WAC: variants seen among roughly 807,000 people sequenced by gnomAD.
The protein encoded by WAC is WW domain containing adaptor with coiled-coil.
A neutral mutation model predicts 79.6 loss-of-function variants in WAC; 11 were observed. That is an observed-to-expected ratio of 0.14 (90% CI 0.09 to 0.23). The LOEUF is 0.23. Ranked by LOEUF, WAC falls within the 10% of genes least tolerant of loss-of-function variation. WAC has a pLI of 1.00. For missense variants in WAC, 728 were observed against 773.5 expected (o/e 0.94, Z 0.70); for synonymous variants, 304 against 276.9 (o/e 1.10, Z -0.97).
intron 1 of WAC, 24 bp downstream of exon 1, chr10:28,533,644 C>A (rs986146573): frequency 6.3e-7 from 1 of 1,592,006 alleles, no homozygotes; most frequent in Non-Finnish European, 8.5e-7. Context: ...TCGTTTCGGG[C>A]CGGGCGGCGG....
chr10:28,620,861 C>G lies in WAC; in HGVS notation c.*1255C>G, dbSNP rs1402984027. 1 of 152,200 alleles carries G rather than the reference C, an allele frequency of 6.6e-6. No individual in the cohort carries two copies. Among genetic ancestry groups the G allele is most frequent in the Non-Finnish European group, 1.5e-5 (1 of 68,036 alleles). 9.4% of individuals were successfully genotyped at this position (152,200 alleles called of 1,614,324 possible). Reference sequence around the variant, plus strand: ...TTCAAGTCTGGTGCTGACTGCTGTTCTTAGCCATCACAAAACGCTAAATTT... The same window carrying G: ...TTCAAGTCTGGTGCTGACTGCTGTTGTTAGCCATCACAAAACGCTAAATTT... On this transcript the variant is annotated 3_prime_UTR_variant, in exon 14 of 14. Coordinates refer to ENST00000354911, the MANE Select transcript of WAC (RefSeq NM_016628.5).
chr10:28,551,822 CTTTTT>C, intron 3 of WAC, among the ~76,000 whole-genome samples: 1 of 58,988 alleles, frequency 1.7e-5, no homozygotes, highest in South Asian at 5.7e-4. Context: ...GTGTGTGTTT[CTTTTT>C]TTTTTTTTTT....
intron 3 of WAC, among the ~76,000 whole-genome samples, chr10:28,564,066 C>T (rs1838460601): frequency 6.6e-6 from 1 of 151,986 alleles, no homozygotes; most frequent in African/African-American, 2.4e-5. Flanking sequence ...CCCTTGAGCT[C>T]AGTTTGAGAC....
Position 28,610,785 on chromosome 10 carries a change from T to A in WAC, c.1252T>A (p.Ser418Thr), listed in dbSNP as rs1841200069. The A allele has an allele frequency of 6.2e-7, 1 of 1,612,098 alleles. No individual in the cohort carries two copies. The highest frequency in any genetic ancestry group is 1.3e-5 in the African/African-American group (1 of 74,906). The change falls in exon 9 of 14, where the codon TCT becomes ACT. Residue 418 changes from serine (S) to threonine (T), a missense_variant. Ser to Thr is a moderately conservative substitution (Grantham distance 58, BLOSUM62 1). Transcript: ENST00000354911. ...TGGACCATCTGCTTTCAACATAACG[T>A]CTCTGATTTCTCAAGCTGCTCAGCT... ...TAGPSAFNIT[S>T]LISQAAQLST...
rs1001543612 is a variant in WAC at position 28,587,583 on chromosome 10, G to A, written c.382-2153G>A. Among the ~76,000 whole-genome samples the A allele has an allele frequency of 5.3e-5, 8 of 152,196 alleles. No individual in the cohort carries two copies. The South Asian group carries it at 8.3e-4, about 16-fold the overall frequency. On this transcript the variant is annotated intron_variant, in intron 4 of 13. Transcript: ENST00000354911. ...AACTTTAAATGTTTGCAGGCCTTTCGTTTAAGTCCTCAATATTAGTTACTC... is the reference window on the plus strand; with the variant it reads ...AACTTTAAATGTTTGCAGGCCTTTCATTTAAGTCCTCAATATTAGTTACTC...
rs146603734 is a variant in WAC at position 28,616,293 on chromosome 10, A to G, written c.1677A>G (p.Leu559=). 23 of 1,613,936 alleles carry G rather than the reference A, an allele frequency of 1.4e-5. No individual in the cohort carries two copies. The highest frequency in any genetic ancestry group is 3.3e-4 in the Middle Eastern group (2 of 6,084). ...CCACGTGTTCATTAACGCCTGCACT[A>G]GCAGCACACTTCAGTGAAAATCTCA... The part of the protein sequence containing the change: ...ARSTCSLTPA[L]AAHFSENLIK... The change falls in exon 12 of 14, where the codon CTA becomes CTG. Residue 559 remains leucine, a synonymous_variant. Coordinates refer to ENST00000354911, the MANE Select transcript of WAC (RefSeq NM_016628.5).
chr10:28,577,571 C>CAAAA (rs1839310479), intron 3 of WAC, among the ~76,000 whole-genome samples: 1 of 152,114 alleles, frequency 6.6e-6, no homozygotes, highest in African/African-American at 2.4e-5. Context: ...TGGTGAAACT[C>CAAAA]TTTTAAGTGC....
chr10:28,599,612 G>A (rs1840542708), intron 7 of WAC, among the ~76,000 whole-genome samples: 1 of 152,184 alleles, frequency 6.6e-6, no homozygotes, highest in South Asian at 2.1e-4. Context: ...AGAAGTTTGT[G>A]TATGTGTTGT....
intron 4 of WAC, among the ~76,000 whole-genome samples, chr10:28,588,161 T>G (rs926497392): frequency 2.0e-5 from 3 of 152,172 alleles, no homozygotes; most frequent in Admixed American, 2.0e-4. Context: ...CCAGATAACA[T>G]CCGTAGAAGG....
chr10:28,607,203 G>C (rs1385537073), intron 7 of WAC, among the ~76,000 whole-genome samples: 1 of 152,086 alleles, frequency 6.6e-6, no homozygotes, highest in African/African-American at 2.4e-5. Context: ...ACATCTGCTT[G>C]GTGTTATGGA....
chr10:28,572,905 T>A (rs2132559702), intron 3 of WAC, among the ~76,000 whole-genome samples: 1 of 152,314 alleles, frequency 6.6e-6, no homozygotes, highest in African/African-American at 2.4e-5. Flanking sequence ...GAAACATTCA[T>A]AAGTATCTCA....
chr10:28,555,180 T>C (rs1041365235), intron 3 of WAC, among the ~76,000 whole-genome samples: 4 of 152,176 alleles, frequency 2.6e-5, no homozygotes, highest in Non-Finnish European at 5.9e-5. Context: ...AGTATCTTTA[T>C]GTAGCAATGA....
intron 3 of WAC, among the ~76,000 whole-genome samples, chr10:28,573,865 C>G (rs961505288): frequency 6.6e-5 from 10 of 151,338 alleles, no homozygotes; most frequent in African/African-American, 2.4e-4. Context: ...TCCCCCAACA[C>G]CCCCCTCACC....
intron 7 of WAC, 130 bp from the exon 8 acceptor site, chr10:28,608,056 T>A: frequency 1.1e-6 from 1 of 932,506 alleles, no homozygotes; most frequent in Non-Finnish European, 1.6e-6. Context: ...ATCTTCTGTG[T>A]GCTCCAGTGT....
intron 7 of WAC, among the ~76,000 whole-genome samples, chr10:28,599,063 A>G (rs75114110): frequency 0.011 from 1,649 of 150,592 alleles, 20 homozygotes; most frequent in Non-Finnish European, 0.017. Context: ...TGTTCTCCAT[A>G]TTTCTGAAAT....
At chr10:28,547,087 A>C (rs1837389121) in intron 3 of WAC, among the ~76,000 whole-genome samples, 1 of 152,060 alleles carries the variant, frequency 6.6e-6, no homozygotes, top group Admixed American at 6.5e-5. Context: ...TAAGCTTTTA[A>C]ATTATTTAAT....
In WAC at chr10:28,593,434, G is replaced by T. The variant is rs371531701; in HGVS notation, c.611-2299G>T. Among the ~76,000 whole-genome samples the T allele has an allele frequency of 7.2e-5, 11 of 151,866 alleles. No homozygotes were observed. The East Asian group carries it at 1.5e-3, about 21-fold the overall frequency. ...AGGTTTTAATGAGGTTTTTGTTTTT[G>T]TTTTTTTGCAATATATTAAGTGTTT... On this transcript the variant is annotated intron_variant, in intron 6 of 13. Coordinates refer to ENST00000354911, the MANE Select transcript of WAC (RefSeq NM_016628.5).
intron 7 of WAC, among the ~76,000 whole-genome samples, chr10:28,604,939 G>A (rs1164044992): frequency 6.6e-6 from 1 of 152,122 alleles, no homozygotes; most frequent in Non-Finnish European, 1.5e-5. Context: ...CTACCTCTCA[G>A]AATAGCATTT....
intron 4 of WAC, among the ~76,000 whole-genome samples, chr10:28,587,168 AATT>A (rs35526925): frequency 0.22 from 34,123 of 152,022 alleles, 4,636 homozygotes; most frequent in Non-Finnish European, 0.28. Context: ...AAAACTGGGA[AATT>A]ATTCATTTCA....
Sources: gnomAD v4.1 joint callset for allele counts (sites outside exome capture counted in the v4.1 genomes callset) on GRCh38, gnomAD v4.1.1 for gene constraint, MANE v1.5 for transcripts, NCBI Gene and HGNC (gene_info 2026-07-23, HGNC 2026-07-21) for gene names.